PREX1: variants seen among roughly 807,000 people sequenced by gnomAD.
PREX1 encodes phosphatidylinositol-3,4,5-trisphosphate dependent Rac exchange factor 1, also known as phosphatidylinositol 3,4,5-trisphosphate-dependent Rac exchanger 1 protein.
PREX1 carries 41 observed loss-of-function variants against 198.3 expected under a neutral mutation model. The observed-to-expected ratio is 0.21, with a 90% CI of 0.16 to 0.27. PREX1 has a LOEUF of 0.27. PREX1 is among the 10% of genes least tolerant of loss of function. The pLI is 1.00. For synonymous variants in PREX1, 843 were observed against 887.2 expected, an observed-to-expected ratio of 0.95 and a Z score of 0.89; for missense variants, 1,620 against 2,200.7, an observed-to-expected ratio of 0.74 and a Z score of 5.28.
At chr20:48,836,059 G>A in the PREX1 span, among the ~76,000 whole-genome samples, 5 of 152,206 alleles carry the variant, frequency 3.3e-5, no homozygotes, top group South Asian at 2.1e-4. Context: ...AGTGGCTCAC[G>A]CCTATAATCT....
At chr20:48,780,689 G>T (rs955303792) in intron 1 of PREX1, among the ~76,000 whole-genome samples, 4 of 152,144 alleles carry the variant, frequency 2.6e-5, no homozygotes, top group Admixed American at 1.3e-4. Flanking sequence ...AAAGTAGGAG[G>T]AGTGAAGGAA....
At chr20:48,680,888 G>A (rs1050673820) in intron 11 of PREX1, among the ~76,000 whole-genome samples, 3 of 127,146 alleles carry the variant, frequency 2.4e-5, no homozygotes, top group South Asian at 3.0e-4. Context: ...CGACAGGCAC[G>A]TCCTCCTCCC....
intron 1 of PREX1, among the ~76,000 whole-genome samples, chr20:48,815,258 T>A (rs2090454279): frequency 6.6e-6 from 1 of 152,148 alleles, no homozygotes; most frequent in Non-Finnish European, 1.5e-5. Flanking sequence ...GATATACAGA[T>A]CTGAACAACA....
chr20:48,857,597 G>A, the PREX1 span, among the ~76,000 whole-genome samples: 2 of 151,730 alleles, frequency 1.3e-5, no homozygotes, highest in Non-Finnish European at 2.9e-5. Flanking sequence ...CGAAACCCTC[G>A]CCTCATCTTT....
intron 4 of PREX1, among the ~76,000 whole-genome samples, chr20:48,728,784 C>A (rs1842822038): frequency 6.6e-6 from 1 of 152,098 alleles, no homozygotes; most frequent in Non-Finnish European, 1.5e-5. Context: ...AGGACACTTC[C>A]CCACAAACAC....
intron 5 of PREX1, among the ~76,000 whole-genome samples, chr20:48,717,630 C>G (rs2089968288): frequency 6.6e-6 from 1 of 152,100 alleles, no homozygotes; most frequent in African/African-American, 2.4e-5. Flanking sequence ...AAATCATATG[C>G]AGACTTCATG....
chr20:48,816,626 CCACACCCCTAAGACT>C (rs1413354838), intron 1 of PREX1, among the ~76,000 whole-genome samples: 1 of 152,094 alleles, frequency 6.6e-6, no homozygotes, highest in Non-Finnish European at 1.5e-5. Flanking sequence ...TGTGGCAGGA[CCACACCCCTAAGACT>C]CAAGGCACCT....
At position 48,802,425 on chromosome 20, in the gene PREX1, C is replaced by T. The variant is rs1208184832; in HGVS notation, c.219+25217G>A. 2.0e-5 allele frequency among the ~76,000 whole-genome samples: 3 copies of T among 152,308 alleles called. No homozygotes were observed. The East Asian group carries it at 5.8e-4, about 29-fold the overall frequency. On this transcript the variant is annotated intron_variant, in intron 1 of 39. Coordinates refer to ENST00000371941, the MANE Select transcript of PREX1 (RefSeq NM_020820.4). ...AAATTGGCCAAGCTCATCCCTGCCT[C>T]GGGGCCTTTGCACAGGCTACTCTTC...
chr20:48,642,835 A>G (rs759734857), intron 27 of PREX1: 3 of 211,306 alleles, frequency 1.4e-5, no homozygotes, highest in African/African-American at 6.9e-5. Flanking sequence ...CAGCTGTCAC[A>G]CCCAACTCCT....
chr20:48,828,355 C>T (rs1401879406), upstream of PREX1, among the ~76,000 whole-genome samples: 4 of 152,046 alleles, frequency 2.6e-5, no homozygotes, highest in South Asian at 2.1e-4. Context: ...GGCTACGCCA[C>T]TCCCACCCGG....
intron 1 of PREX1, among the ~76,000 whole-genome samples, chr20:48,797,378 G>T (rs1382764427): frequency 7.5e-6 from 1 of 134,106 alleles, no homozygotes; most frequent in Admixed American, 9.0e-5. Context: ...CATTCATGTT[G>T]GAGGCTGGCC....
At chr20:48,840,671 T>C in the PREX1 span, among the ~76,000 whole-genome samples, 1 of 152,244 alleles carries the variant, frequency 6.6e-6, no homozygotes, top group East Asian at 1.9e-4. Flanking sequence ...AAGGGGTCAT[T>C]GCTAGATCAA....
the PREX1 span, among the ~76,000 whole-genome samples, chr20:48,876,405 G>T: frequency 6.6e-6 from 1 of 152,168 alleles, no homozygotes; most frequent in African/African-American, 2.4e-5. Flanking sequence ...GTGGCCAAGT[G>T]CTTATCTTAT....
At chr20:48,822,826 C>T (rs928758913) in intron 1 of PREX1, among the ~76,000 whole-genome samples, 1 of 152,026 alleles carries the variant, frequency 6.6e-6, no homozygotes, top group African/African-American at 2.4e-5. Context: ...TTACATATAC[C>T]TCTCAGCATC....
chr20:48,628,962 T>C (rs1315072519), intron 37 of PREX1, among the ~76,000 whole-genome samples: 1 of 150,786 alleles, frequency 6.6e-6, no homozygotes, highest in Non-Finnish European at 1.5e-5. Context: ...GGAGTGGGGG[T>C]GAGGGCTGCA....
intron 5 of PREX1, among the ~76,000 whole-genome samples, chr20:48,716,098 T>C (rs2089961141): frequency 6.6e-6 from 1 of 151,916 alleles, no homozygotes; most frequent in Non-Finnish European, 1.5e-5. Context: ...AAAAACTGAG[T>C]GCAGGGAAGA....
At position 48,652,701 on chromosome 20, in the gene PREX1, C is replaced by T. The variant is rs1293562013; in HGVS notation, c.2352G>A (p.Leu784=). The stretch of plus-strand genomic sequence containing the variant: ...CATGGGTGTGGTAGATCCACTGGTA[C>T]AGGCCCTGCCAGAAGCCAGAGTAAG... ...FRSRREEALG[L]YQWIYHTHED... The change falls in exon 21 of 40, where the codon CTG becomes CTA. Residue 784 remains leucine, a synonymous_variant. Transcript: ENST00000371941. 6.2e-7 allele frequency: 1 copy of T among 1,611,452 alleles called. No individual in the cohort carries two copies. The highest frequency in any genetic ancestry group is 1.7e-5 in the Admixed American group (1 of 59,762).
chr20:48,847,364 T>TAAA, the PREX1 span, among the ~76,000 whole-genome samples: 37 of 77,158 alleles, frequency 4.8e-4, no homozygotes, highest in African/African-American at 5.8e-4. Context: ...CCTTCTCTTA[T>TAAA]AAAAAAAAAA....
intron 3 of PREX1, among the ~76,000 whole-genome samples, chr20:48,741,661 G>A (rs796529713): frequency 6.6e-5 from 10 of 152,322 alleles, no homozygotes; most frequent in African/African-American, 2.4e-4. Context: ...AAAGGGTGAT[G>A]CGGACTGTTC....
Sources: allele counts gnomAD v4.1 joint callset (sites outside exome capture counted in the v4.1 genomes callset), GRCh38; gene constraint gnomAD v4.1.1; transcripts MANE v1.5; gene names NCBI Gene and HGNC (gene_info 2026-07-23, HGNC 2026-07-21).